Variants in MCTP1 observed in about 807,000 individuals in gnomAD.
The protein encoded by MCTP1 is multiple C2 and transmembrane domain containing 1, also known as multiple C2 and transmembrane domain-containing protein 1.
MCTP1 carries 69 observed loss-of-function variants against 120.6 expected under a neutral mutation model. The ratio of observed to expected loss-of-function variants is 0.57; its 90% confidence interval spans 0.47 to 0.70. MCTP1 has a LOEUF of 0.70. Among genes scored for constraint, MCTP1 ranks in the 30% least tolerant of loss-of-function variants. The probability of loss-of-function intolerance (pLI) is 0.00; values close to 1 mark genes in which losing one functional copy is unlikely to be tolerated. For synonymous variants in MCTP1, 529 were observed against 493.1 expected (o/e 1.07, Z -0.96); for missense variants, 1,203 against 1,248.8 (o/e 0.96, Z 0.55).
intron 1 of MCTP1, among the ~76,000 whole-genome samples, chr5:95,119,254 T>C (rs1403292409): frequency 6.6e-6 from 1 of 152,090 alleles, no homozygotes; most frequent in Non-Finnish European, 1.5e-5. Context: ...TATACAGACA[T>C]ACAGAAATTT....
chr5:94,879,834 C>A (rs760915459), intron 12 of MCTP1, among the ~76,000 whole-genome samples: 2 of 152,022 alleles, frequency 1.3e-5, no homozygotes, highest in African/African-American at 2.4e-5. Context: ...CACCCTGAGA[C>A]CCAAAGCTAA....
intron 1 of MCTP1, among the ~76,000 whole-genome samples, chr5:95,162,982 T>C (rs1745916120): frequency 6.6e-6 from 1 of 152,178 alleles, no homozygotes; most frequent in Non-Finnish European, 1.5e-5. Flanking sequence ...CCTTACTCTT[T>C]GAACAAGTCC....
Position 95,284,682 on chromosome 5 carries a change from C to CGGT in MCTP1, c.-108_-107insACC. On this transcript the variant is annotated 5_prime_UTR_variant, in exon 1 of 23. Coordinates refer to ENST00000515393, the MANE Select transcript of MCTP1 (RefSeq NM_024717.7). This position sits in a 1 kb window ranked among gnomAD's most constrained non-coding sequence, Gnocchi z 5.2. ...CGGGTCCCCGCGGCGCTGGCGGTGG[C>CGGT]GGCGGCGGCGGCGGCGGGCGCAGCA... 2 of 578,088 alleles carry CGGT rather than the reference C, an allele frequency of 3.5e-6. No homozygotes were observed. The highest frequency in any genetic ancestry group is 4.8e-6 in the Non-Finnish European group (2 of 418,422). 35.8% of individuals were successfully genotyped at this position (578,088 alleles called of 1,614,324 possible). A position where few individuals can be genotyped will look rare whatever the true frequency, so the allele number is the denominator to read the frequency against.
At chr5:95,165,652 A>G (rs1250874874) in intron 1 of MCTP1, among the ~76,000 whole-genome samples, 2 of 152,220 alleles carry the variant, frequency 1.3e-5, no homozygotes, top group Non-Finnish European at 2.9e-5. Flanking sequence ...AATCTGGGAT[A>G]TAACACTGAG....
intron 8 of MCTP1, among the ~76,000 whole-genome samples, chr5:94,913,938 G>C (rs1397973505): frequency 6.6e-6 from 1 of 152,020 alleles, no homozygotes; most frequent in Non-Finnish European, 1.5e-5. Context: ...GCAGTGGCAT[G>C]ATCATAGCTC....
At chr5:94,768,279 T>G (rs572267708) in intron 19 of MCTP1, among the ~76,000 whole-genome samples, 1 of 152,254 alleles carries the variant, frequency 6.6e-6, no homozygotes, top group East Asian at 1.9e-4. Context: ...ATTTAAATGT[T>G]AAGATGTAAA....
intron 19 of MCTP1, among the ~76,000 whole-genome samples, chr5:94,725,357 TTC>T (rs1761896565): frequency 6.6e-6 from 1 of 152,210 alleles, no homozygotes; most frequent in Admixed American, 6.5e-5. Context: ...CTCCTGCTCT[TTC>T]TACAAGCTCA....
intron 1 of MCTP1, among the ~76,000 whole-genome samples, chr5:95,207,304 C>T (rs1418319707): frequency 6.6e-6 from 1 of 152,046 alleles, no homozygotes; most frequent in East Asian, 1.9e-4. Context: ...ATCTCTGGGA[C>T]AGAGGAGGGA....
At chr5:95,050,238 T>C (rs1193606425) in intron 1 of MCTP1, among the ~76,000 whole-genome samples, 2 of 152,226 alleles carry the variant, frequency 1.3e-5, no homozygotes, top group African/African-American at 4.8e-5. Context: ...CAGTGAAATT[T>C]GGATTTTTGA....
chr5:94,905,327 TC>T (rs1307104275), intron 10 of MCTP1, among the ~76,000 whole-genome samples: 1 of 152,192 alleles, frequency 6.6e-6, no homozygotes, highest in African/African-American at 2.4e-5. Context: ...ACTGTGGCTG[TC>T]CCTAGATTAT....
chr5:95,009,056 AAGAGAGAG>A (rs201724037), intron 2 of MCTP1, among the ~76,000 whole-genome samples: 6,231 of 129,102 alleles, frequency 0.048, 258 homozygotes, highest in East Asian at 0.2. Context: ...GAGAGGGAGA[AAGAGAGAG>A]AGAGAGAGAG....
chr5:94,997,554 T>C (rs772335895), intron 2 of MCTP1, among the ~76,000 whole-genome samples: 1 of 152,212 alleles, frequency 6.6e-6, no homozygotes, highest in African/African-American at 2.4e-5. Context: ...GCTTTCCCCT[T>C]GTCCACCTGT....
chr5:95,138,639 C>T (rs140346178), intron 1 of MCTP1, among the ~76,000 whole-genome samples: 15 of 152,326 alleles, frequency 9.8e-5, no homozygotes, highest in Non-Finnish European at 1.8e-4. Flanking sequence ...GAATGACCCC[C>T]TCACAGAGAC....
At chr5:94,818,227 G>C (rs578012627) in intron 17 of MCTP1, among the ~76,000 whole-genome samples, 1 of 152,164 alleles carries the variant, frequency 6.6e-6, no homozygotes, top group Non-Finnish European at 1.5e-5. Flanking sequence ...TTTAGCCCCT[G>C]AAGCAGACAT....
chr5:94,833,042 C>T (rs1451507743), intron 17 of MCTP1, among the ~76,000 whole-genome samples: 1 of 152,098 alleles, frequency 6.6e-6, no homozygotes, highest in East Asian at 1.9e-4. Context: ...TAGGATGGTG[C>T]ACCCTGGAGA....
chr5:94,998,285 T>C (rs1324192474), intron 2 of MCTP1, among the ~76,000 whole-genome samples: 1 of 152,206 alleles, frequency 6.6e-6, no homozygotes, highest in Non-Finnish European at 1.5e-5. Context: ...GTCAACATTG[T>C]ATCCCTGGCT....
intron 19 of MCTP1, among the ~76,000 whole-genome samples, chr5:94,764,589 C>T (rs1226503441): frequency 2.0e-5 from 3 of 151,994 alleles, no homozygotes; most frequent in African/African-American, 7.3e-5. Context: ...GCTATACTTA[C>T]ATCTGATAAA....
intron 1 of MCTP1, among the ~76,000 whole-genome samples, chr5:95,118,370 T>C (rs1442855685): frequency 6.7e-6 from 1 of 149,974 alleles, no homozygotes; most frequent in Non-Finnish European, 1.5e-5. Flanking sequence ...TAACCTCAAA[T>C]CAAAAAAAAC....
At chr5:94,745,050 C>G (rs928062221) in intron 19 of MCTP1, among the ~76,000 whole-genome samples, 1 of 149,812 alleles carries the variant, frequency 6.7e-6, no homozygotes, top group African/African-American at 2.5e-5. Context: ...CCAGAGTAGT[C>G]CTATGACATG....
Sources: allele counts gnomAD v4.1 joint callset (sites outside exome capture counted in the v4.1 genomes callset), GRCh38; gene constraint gnomAD v4.1.1; non-coding constraint Gnocchi (gnomAD v3.1); transcripts MANE v1.5; gene names NCBI Gene and HGNC (gene_info 2026-07-23, HGNC 2026-07-21).